Variants in ATP8A2 observed in about 807,000 individuals in gnomAD.
ATP8A2 encodes the protein ATPase phospholipid transporting 8A2.
In ATP8A2, 100 loss-of-function variants were observed where a neutral mutation model predicts 165.6. The ratio of observed to expected loss-of-function variants is 0.60; its 90% confidence interval spans 0.51 to 0.71. ATP8A2 has a LOEUF of 0.71. Ranked by LOEUF, ATP8A2 falls within the 30% of genes least tolerant of loss-of-function variation. The probability of loss-of-function intolerance (pLI) is 0.00; values close to 1 mark genes in which losing one functional copy is unlikely to be tolerated. For missense variants in ATP8A2, 1,227 were observed against 1,479.5 expected, an observed-to-expected ratio of 0.83 and a Z score of 2.80; for synonymous variants, 543 against 548.8, an observed-to-expected ratio of 0.99 and a Z score of 0.15.
chr13:25,653,566 A>G (rs971744268), intron 24 of ATP8A2, among the ~76,000 whole-genome samples: 2 of 152,352 alleles, frequency 1.3e-5, no homozygotes, highest in East Asian at 1.9e-4. Flanking sequence ...AAGTTTACCT[A>G]TATATCAAAC....
intron 4 of ATP8A2, 133 bp downstream of exon 4, chr13:25,530,793 T>G: frequency 1.6e-6 from 1 of 625,168 alleles, no homozygotes; most frequent in Non-Finnish European, 2.8e-6. Flanking sequence ...CTGATGGTAT[T>G]TTTAGGGGGA....
intron 15 of ATP8A2, among the ~76,000 whole-genome samples, chr13:25,563,594 C>T (rs1361566552): frequency 1.3e-5 from 2 of 152,120 alleles, no homozygotes; most frequent in Non-Finnish European, 2.9e-5. Context: ...AATATTTACT[C>T]TTGTTTTATT....
At chr13:25,601,883 CT>C (rs2040397506) in intron 24 of ATP8A2, among the ~76,000 whole-genome samples, 1 of 152,308 alleles carries the variant, frequency 6.6e-6, no homozygotes, top group Admixed American at 6.5e-5. Context: ...CCGTTGAGTG[CT>C]TTTTCATGAG....
intron 2 of ATP8A2, among the ~76,000 whole-genome samples, chr13:25,513,629 G>A (rs1168197338): frequency 3.3e-5 from 5 of 151,950 alleles, no homozygotes; most frequent in Non-Finnish European, 7.4e-5. Context: ...AGGTTGTAGC[G>A]AGCCGAGATC....
chr13:25,839,975 T>C (rs1951715992), intron 30 of ATP8A2, among the ~76,000 whole-genome samples: 1 of 152,200 alleles, frequency 6.6e-6, no homozygotes, highest in African/African-American at 2.4e-5. Flanking sequence ...CTCTTTTAAT[T>C]ACTTTGACTT....
At chr13:25,373,645 A>G (rs1318527803) in intron 1 of ATP8A2, among the ~76,000 whole-genome samples, 1 of 152,170 alleles carries the variant, frequency 6.6e-6, no homozygotes, top group Non-Finnish European at 1.5e-5. Context: ...AGATGCCCCC[A>G]AGGGTTTTGG....
At chr13:25,749,372 C>T (rs2044106565) in intron 25 of ATP8A2, among the ~76,000 whole-genome samples, 1 of 152,044 alleles carries the variant, frequency 6.6e-6, no homozygotes, top group Non-Finnish European at 1.5e-5. Flanking sequence ...GAGGACCCCG[C>T]CAGGAAGGAG....
At chr13:25,948,472 A>G (rs1158978908) in intron 33 of ATP8A2, among the ~76,000 whole-genome samples, 1 of 152,196 alleles carries the variant, frequency 6.6e-6, no homozygotes, top group Non-Finnish European at 1.5e-5. Context: ...AAACTGAGCC[A>G]CAGTAGTTAA....
chr13:25,480,821 T>G (rs1593374928), intron 2 of ATP8A2, among the ~76,000 whole-genome samples: 1 of 147,026 alleles, frequency 6.8e-6, no homozygotes, highest in Non-Finnish European at 1.5e-5. Context: ...GAGGTGGAGG[T>G]TGTAGCGAGC....
At chr13:25,489,580 A>G (rs1294745484) in intron 2 of ATP8A2, among the ~76,000 whole-genome samples, 1 of 151,864 alleles carries the variant, frequency 6.6e-6, no homozygotes, top group African/African-American at 2.4e-5. Flanking sequence ...TTCCCCTCGC[A>G]TCCTCCCCAG....
intron 24 of ATP8A2, among the ~76,000 whole-genome samples, chr13:25,698,323 C>T (rs750910524): frequency 1.3e-5 from 2 of 151,614 alleles, no homozygotes; most frequent in African/African-American, 4.9e-5. Flanking sequence ...CAGGATCAAG[C>T]GATCCTCCCA....
rs974849685 is a variant in ATP8A2, at chr13:25,531,337, T to A, written c.420+677T>A. On this transcript the variant is annotated intron_variant, in intron 4 of 36. Transcript: ENST00000381655. ...ATATGTTATATATGATATATATATG[T>A]TATATATGATATATATGTTATATAT... is the stretch of plus-strand genomic sequence containing the variant. Among the ~76,000 whole-genome samples, 244 of 133,130 alleles carry A rather than the reference T, an allele frequency of 1.8e-3. 5 individuals carry two copies. Among genetic ancestry groups the A allele is most frequent in the African/African-American group, 6.3e-3 (214 of 34,240 alleles). 87.3% of individuals were successfully genotyped at this position (133,130 alleles called of 152,430 possible). A position where few individuals can be genotyped will look rare whatever the true frequency, so the allele number is the denominator to read the frequency against.
intron 27 of ATP8A2, among the ~76,000 whole-genome samples, chr13:25,776,640 A>G (rs538991402): frequency 1.4e-4 from 22 of 151,746 alleles, no homozygotes; most frequent in African/African-American, 5.1e-4. Flanking sequence ...CTGCTCCTAC[A>G]TTTTTCTGTG....
At chr13:25,403,149 C>T (rs1168277189) in intron 1 of ATP8A2, among the ~76,000 whole-genome samples, 6 of 152,154 alleles carry the variant, frequency 3.9e-5, no homozygotes, top group African/African-American at 7.2e-5. Context: ...ACAAGCATTC[C>T]GACCACAGCA....
chr13:25,622,067 A>G (rs1291142841), intron 24 of ATP8A2, among the ~76,000 whole-genome samples: 4 of 152,010 alleles, frequency 2.6e-5, no homozygotes, highest in Non-Finnish European at 4.4e-5. Flanking sequence ...CTACCTGGGC[A>G]TGGTGGTGCG....
At chr13:25,500,032 C>T (rs2036804775) in intron 2 of ATP8A2, among the ~76,000 whole-genome samples, 1 of 152,176 alleles carries the variant, frequency 6.6e-6, no homozygotes, top group South Asian at 2.1e-4. Flanking sequence ...ATGACAACCC[C>T]ATGGTTCAGC....
intron 1 of ATP8A2, among the ~76,000 whole-genome samples, chr13:25,398,642 C>T (rs1221128497): frequency 6.6e-6 from 1 of 152,222 alleles, no homozygotes; most frequent in African/African-American, 2.4e-5. Context: ...TTGTTGACTA[C>T]ATGCCCTGTA....
chr13:25,862,646 A>C (rs1019084791), intron 33 of ATP8A2, among the ~76,000 whole-genome samples: 3 of 152,206 alleles, frequency 2.0e-5, no homozygotes, highest in African/African-American at 7.2e-5. Flanking sequence ...TGTCAACTTA[A>C]ATCCTCCGGC....
chr13:25,802,013 C>T (rs961672828), intron 27 of ATP8A2, among the ~76,000 whole-genome samples: 8 of 152,084 alleles, frequency 5.3e-5, no homozygotes, highest in African/African-American at 1.4e-4. Flanking sequence ...TACCTCCCAC[C>T]GGGTCCCTCC....
Sources: gnomAD v4.1 joint callset for allele counts (sites outside exome capture counted in the v4.1 genomes callset) on GRCh38, gnomAD v4.1.1 for gene constraint, MANE v1.5 for transcripts, NCBI Gene and HGNC (gene_info 2026-07-23, HGNC 2026-07-21) for gene names.